Variants in PCCB observed in about 807,000 individuals in gnomAD.
PCCB encodes propionyl-CoA carboxylase subunit beta.
In PCCB, 43 loss-of-function variants were observed where a neutral mutation model predicts 60.7. The observed-to-expected ratio is 0.71, with a 90% confidence interval of 0.55 to 0.91. The LOEUF (loss-of-function observed/expected upper bound fraction) is 0.91, where lower values mean the gene tolerates loss of function less well. Among genes scored for constraint, PCCB ranks in the 40% least tolerant of loss-of-function variants. The probability of loss-of-function intolerance (pLI) is 0.00; values close to 1 mark genes in which losing one functional copy is unlikely to be tolerated. For missense variants in PCCB, 766 were observed against 702.8 expected, an observed-to-expected ratio of 1.09 and a Z score of -1.02; for synonymous variants, 276 against 255.9, an observed-to-expected ratio of 1.08 and a Z score of -0.75.
chr3:136,277,480 A>C (rs1279582865), intron 5 of PCCB, among the ~76,000 whole-genome samples: 1 of 152,074 alleles, frequency 6.6e-6, no homozygotes, highest in Admixed American at 6.5e-5. Flanking sequence ...TAAAGCTGCC[A>C]AAAGTTTCTG....
chr3:136,260,224 C>A, intron 3 of PCCB: 1 of 522,784 alleles, frequency 1.9e-6, no homozygotes, highest in Non-Finnish European at 3.5e-6. Flanking sequence ...CAGGCATGTG[C>A]CACCATGCGC....
In PCCB at chr3:136,272,046, G is replaced by A. The variant is rs149491134; in HGVS notation, c.543+9981G>A. ...TTGAAGTATATCCCTCCTATGCCTA[G>A]TTTGAGAGTTTTTTGTCATAAAGAG... On this transcript the variant is annotated intron_variant, in intron 5 of 14. Coordinates refer to ENST00000251654, the MANE Select transcript of PCCB (RefSeq NM_000532.5). Among the ~76,000 whole-genome samples the A allele has an allele frequency of 6.5e-3, 990 of 152,104 alleles. 10 individuals are homozygous for A. The highest frequency in any genetic ancestry group is 0.023 in the African/African-American group (961 of 41,502).
intron 10 of PCCB, among the ~76,000 whole-genome samples, chr3:136,325,629 T>TTAC (rs1935279761): frequency 6.6e-6 from 1 of 152,304 alleles, no homozygotes; most frequent in African/African-American, 2.4e-5. Flanking sequence ...AGTGCTGGGA[T>TTAC]TACAGGTGTG....
chr3:136,287,905 A>G lies in PCCB; in HGVS notation c.654+3958A>G, dbSNP rs114238995. Among the ~76,000 whole-genome samples the G allele has an allele frequency of 7.0e-3, 1,067 of 152,322 alleles. 15 individuals carry two copies. Among genetic ancestry groups the G allele is most frequent in the African/African-American group, 0.024 (986 of 41,570 alleles). Reference sequence around the variant, plus strand: ...ATGTAAACATTTCACATTAGAGGCAATCTTAGGTCATAGGATATATATGTC... The same window carrying G: ...ATGTAAACATTTCACATTAGAGGCAGTCTTAGGTCATAGGATATATATGTC... On this transcript the variant is annotated intron_variant, in intron 6 of 14. Coordinates refer to ENST00000251654, the MANE Select transcript of PCCB (RefSeq NM_000532.5).
At chr3:136,299,835 CATGTGTATGTAT>C (rs1325029241) in intron 8 of PCCB, among the ~76,000 whole-genome samples, 1 of 151,288 alleles carries the variant, frequency 6.6e-6, no homozygotes, top group East Asian at 2.0e-4. Context: ...TATGTATATG[CATGTGTATGTAT>C]ATGCATGCAT....
intron 9 of PCCB, among the ~76,000 whole-genome samples, chr3:136,304,704 T>G (rs1355256976): frequency 8.6e-6 from 1 of 116,200 alleles, no homozygotes; most frequent in African/African-American, 2.6e-5. Context: ...ATTCTTTTCT[T>G]TTTTTTGAGA....
intron 5 of PCCB, among the ~76,000 whole-genome samples, chr3:136,273,911 C>CAAA (rs34690853): frequency 2.9e-4 from 16 of 55,494 alleles, no homozygotes; most frequent in Non-Finnish European, 3.2e-4. Flanking sequence ...GACTCTGTCT[C>CAAA]AAAAAAAAAA....
At chr3:136,303,129 T>C (rs2108211171) in intron 9 of PCCB, among the ~76,000 whole-genome samples, 1 of 122,892 alleles carries the variant, frequency 8.1e-6, no homozygotes, top group African/African-American at 2.5e-5. Flanking sequence ...ATTTTACATG[T>C]CATTTCTTTC....
In PCCB at chr3:136,278,588, C is replaced by T. The variant is rs369959168; in HGVS notation, c.544-5249C>T. On this transcript the variant is annotated intron_variant, in intron 5 of 14. Transcript: ENST00000251654. The stretch of plus-strand genomic sequence containing the variant: ...TTAGAAGTGTTTTGATTAATTTTTA[C>T]GTGTTTGTGAATTTTTCAGTTTTCC... Among the ~76,000 whole-genome samples, 13 of 152,068 alleles carry T rather than the reference C, an allele frequency of 8.5e-5. No individual in the cohort carries two copies. In the East Asian group the frequency reaches 1.7e-3, roughly 20 times the overall value.
At chr3:136,301,234 T>C (rs1404337963) in intron 9 of PCCB, 123 bp downstream of exon 9, 2 of 772,104 alleles carry the variant, frequency 2.6e-6, no homozygotes, top group African/African-American at 3.4e-5. Flanking sequence ...AGGTCGGGAA[T>C]AGGGTGGGCA....
chr3:136,323,992 G>GT (rs774958157), intron 10 of PCCB, among the ~76,000 whole-genome samples: 3,733 of 128,606 alleles, frequency 0.029, 62 homozygotes, highest in Admixed American at 0.045. Flanking sequence ...CCCAAGCTTT[G>GT]TTTTTTTTTT....
chr3:136,290,671 G>GTTTTTTTGTTTTTTTTTTT (rs1553778408), intron 6 of PCCB, among the ~76,000 whole-genome samples: 3 of 60,046 alleles, frequency 5.0e-5, no homozygotes, highest in Admixed American at 3.0e-4. Context: ...TCTCTGTGTA[G>GTTTTTTTGTTTTTTTTTTT]TTTTTTTTTT....
intron 3 of PCCB, chr3:136,259,055 G>A (rs1941753269): frequency 3.6e-6 from 3 of 835,356 alleles, no homozygotes; most frequent in South Asian, 5.6e-5. Context: ...CTTTTTGAGG[G>A]GGTTTTAGGA....
intron 6 of PCCB, among the ~76,000 whole-genome samples, chr3:136,287,499 C>A (rs962322289): frequency 4.6e-5 from 7 of 151,636 alleles, no homozygotes; most frequent in African/African-American, 1.7e-4. Flanking sequence ...TGACATGGAT[C>A]TCACCTCACT....
intron 5 of PCCB, among the ~76,000 whole-genome samples, chr3:136,264,718 AC>A (rs1280474536): frequency 6.6e-6 from 1 of 150,954 alleles, no homozygotes; most frequent in South Asian, 2.1e-4. Flanking sequence ...CTAAAAAAAA[AC>A]AAAAAATTAG....
At chr3:136,309,055 G>A (rs144801536) in intron 9 of PCCB, among the ~76,000 whole-genome samples, 1,815 of 152,082 alleles carry the variant, frequency 0.012, 31 homozygotes, top group East Asian at 0.047. Flanking sequence ...TTGAGCTCAG[G>A]AGTTTGAGAC....
chr3:136,328,653 A>G lies in PCCB; in HGVS notation c.1399-105A>G, dbSNP rs192232347. 5.8e-4 allele frequency: 511 copies of G among 878,186 alleles called. 4 individuals are homozygous for G. The highest frequency in any genetic ancestry group is 5.7e-3 in the African/African-American group (350 of 61,130). 54.4% of individuals were successfully genotyped at this position (878,186 alleles called of 1,614,324 possible). A position where few individuals can be genotyped will look rare whatever the true frequency, so the allele number is the denominator to read the frequency against. On this transcript the variant is annotated intron_variant, in intron 13 of 14. Coordinates refer to ENST00000251654, the MANE Select transcript of PCCB (RefSeq NM_000532.5). ...TAGAGATGGCACTTCCCCTCAGTAC[A>G]CTGATTTACCAAGAAATTTGCACCC...
At chr3:136,266,837 C>T (rs1182551463) in intron 5 of PCCB, among the ~76,000 whole-genome samples, 2 of 151,948 alleles carry the variant, frequency 1.3e-5, no homozygotes, top group East Asian at 3.8e-4. Flanking sequence ...GTATTTTCTC[C>T]CAGTCTGTGG....
At chr3:136,291,821 G>T (rs540029641) in intron 6 of PCCB, among the ~76,000 whole-genome samples, 1 of 152,290 alleles carries the variant, frequency 6.6e-6, no homozygotes, top group South Asian at 2.1e-4. Flanking sequence ...AAGCATGAGG[G>T]AGTTTTCTCT....
Sources: allele counts gnomAD v4.1 joint callset (sites outside exome capture counted in the v4.1 genomes callset), GRCh38; gene constraint gnomAD v4.1.1; transcripts MANE v1.5; gene names NCBI Gene and HGNC (gene_info 2026-07-23, HGNC 2026-07-21).